The following CDH12 variants were observed in gnomAD, a reference collection of about 807,000 sequenced individuals.
CDH12 encodes cadherin-12.
Under a neutral mutation model 74.1 loss-of-function variants are expected in CDH12, and 41 were observed. The observed-to-expected ratio is 0.55, with a 90% CI of 0.43 to 0.72. CDH12 has a LOEUF of 0.72. CDH12 is among the 30% of genes least tolerant of loss of function. The pLI, the probability that CDH12 is intolerant of heterozygous loss-of-function variation, is 0.00. For synonymous variants in CDH12, 399 were observed against 355.0 expected (o/e 1.12, Z -1.39); for missense variants, 945 against 977.2 (o/e 0.97, Z 0.44).
At chr5:22,621,793 T>C (rs1455391282) in intron 1 of CDH12, among the ~76,000 whole-genome samples, 2 of 152,024 alleles carry the variant, frequency 1.3e-5, no homozygotes, top group African/African-American at 4.8e-5. Context: ...TGACTGAATA[T>C]TAATTATAAA....
rs1736336679 is a variant in CDH12 at position 22,505,289 on chromosome 5, C to G, written c.-447G>C. ...ACCTACCTTTAAAAAGGCTGGCATT[C>G]TTTAAAACTCCCAACTGCTCCTGGG... On this transcript the variant is annotated 5_prime_UTR_variant, in exon 2 of 15. Transcript: ENST00000382254. The G allele has an allele frequency of 1.0e-6, 1 of 983,270 alleles. No individual in the cohort carries two copies. The highest frequency in any genetic ancestry group is 6.2e-5 in the Admixed American group (1 of 16,200). The allele number at this position is 983,270 out of a possible 1,614,324, so 60.9% of individuals were successfully genotyped here.
chr5:22,164,649 T>A (rs1391596197), intron 4 of CDH12, among the ~76,000 whole-genome samples: 2 of 152,096 alleles, frequency 1.3e-5, no homozygotes, highest in Non-Finnish European at 2.9e-5. Context: ...CTGGCTCCAG[T>A]GCCTGGGTTT....
chr5:21,882,867 A>G, intron 6 of CDH12: 1 of 1,596,094 alleles, frequency 6.3e-7, no homozygotes, highest in Non-Finnish European at 8.6e-7. Flanking sequence ...ATATAAAAAC[A>G]TTGGAGCTAA....
At chr5:22,528,822 G>T (rs1351357062) in intron 1 of CDH12, among the ~76,000 whole-genome samples, 4 of 151,932 alleles carry the variant, frequency 2.6e-5, no homozygotes, top group Non-Finnish European at 5.9e-5. Context: ...GAACACCATG[G>T]ACCACCAGCC....
chr5:22,729,897 C>A lies in CDH12; in HGVS notation c.-523+123161G>T, dbSNP rs141817422. On this transcript the variant is annotated intron_variant, in intron 1 of 14. Coordinates refer to ENST00000382254, the MANE Select transcript of CDH12 (RefSeq NM_004061.5). ...ATCTATTAATTTGAAGTGACATTACCTACCATATTGAATTATTATGAGGAT... is the reference window on the plus strand; with the variant it reads ...ATCTATTAATTTGAAGTGACATTACATACCATATTGAATTATTATGAGGAT... 5.5e-4 allele frequency among the ~76,000 whole-genome samples: 83 copies of A among 151,818 alleles called. 1 individual carries two copies. The East Asian group carries it at 0.016, about 29-fold the overall frequency.
At chr5:22,009,744 G>A (rs1419820414) in intron 5 of CDH12, among the ~76,000 whole-genome samples, 10 of 151,926 alleles carry the variant, frequency 6.6e-5, no homozygotes, top group Non-Finnish European at 1.0e-4. Flanking sequence ...TTGGGAGGCC[G>A]AGGCAGGTGG....
At chr5:22,030,398 T>C (rs1738732895) in intron 5 of CDH12, among the ~76,000 whole-genome samples, 1 of 152,204 alleles carries the variant, frequency 6.6e-6, no homozygotes, top group Non-Finnish European at 1.5e-5. Context: ...TCTCCTTGAA[T>C]ACCTTTATCA....
intron 3 of CDH12, among the ~76,000 whole-genome samples, chr5:22,267,893 A>G (rs1736208537): frequency 6.6e-6 from 1 of 152,172 alleles, no homozygotes; most frequent in Non-Finnish European, 1.5e-5. Flanking sequence ...CTTCTTTTGC[A>G]TGTGACAAAA....
At chr5:22,341,837 T>G (rs1739865174) in intron 3 of CDH12, among the ~76,000 whole-genome samples, 1 of 152,030 alleles carries the variant, frequency 6.6e-6, no homozygotes, top group South Asian at 2.1e-4. Flanking sequence ...GTGCTTTCAT[T>G]CCTAGAAATT....
intron 3 of CDH12, among the ~76,000 whole-genome samples, chr5:22,365,564 G>A (rs1580569112): frequency 6.6e-6 from 1 of 152,296 alleles, no homozygotes; most frequent in East Asian, 1.9e-4. Context: ...CATAATGTGA[G>A]CAAAATGGAA....
At chr5:22,327,426 C>CTGTG (rs1491202419) in intron 3 of CDH12, among the ~76,000 whole-genome samples, 3 of 128,286 alleles carry the variant, frequency 2.3e-5, no homozygotes, top group East Asian at 2.5e-4. Context: ...AAATTTGTGC[C>CTGTG]TCTGTGTGTG....
chr5:22,746,563 T>C (rs1745306497), intron 1 of CDH12, among the ~76,000 whole-genome samples: 1 of 152,166 alleles, frequency 6.6e-6, no homozygotes, highest in African/African-American at 2.4e-5. Flanking sequence ...ATTACAGGCA[T>C]GCATGCAAAT....
rs767276924 is a variant in CDH12 at position 21,765,009 on chromosome 5, G to T, written c.1484C>A (p.Thr495Lys). 6.2e-7 allele frequency: 1 copy of T among 1,613,490 alleles called. No individual in the cohort carries two copies. ...TGGCTTGGCATTTTCACACACGGCT[G>T]TCTCATATGGCACAGATATTTCTGG... ...FPPEISVPYETAVCENAKPGQ... is the reference protein window; with the variant it reads ...FPPEISVPYEKAVCENAKPGQ... Residue 495 changes from threonine to lysine, a missense_variant, in exon 12 of 15, where the codon ACA (threonine) becomes AAA (lysine). By Grantham distance (78) the Thr-to-Lys change is moderately conservative. Transcript: ENST00000382254.
chr5:22,687,946 G>A (rs905602342), intron 1 of CDH12, among the ~76,000 whole-genome samples: 10 of 152,112 alleles, frequency 6.6e-5, no homozygotes, highest in Admixed American at 1.3e-4. Flanking sequence ...TAAGTTTCAT[G>A]TCTCTGGTAG....
Position 22,500,920 on chromosome 5 carries a change from A to ATT in CDH12, c.-428+4348_-428+4349dup, listed in dbSNP as rs137998465. ...TTCTCTTCATCACTCCTGCAGTATA[A>ATT]TTTTTTTTTTCTGATTAGGACAAAA... On this transcript the variant is annotated intron_variant, in intron 2 of 14. Transcript: ENST00000382254. 9.1e-3 allele frequency among the ~76,000 whole-genome samples: 1,366 copies of ATT among 150,128 alleles called. 20 individuals are homozygous for ATT. The highest frequency in any genetic ancestry group is 0.032 in the African/African-American group (1,320 of 40,966).
chr5:21,759,014 G>C (rs1464121746), intron 13 of CDH12, among the ~76,000 whole-genome samples: 1 of 152,036 alleles, frequency 6.6e-6, no homozygotes, highest in East Asian at 1.9e-4. Flanking sequence ...CTGCTTATCA[G>C]GTACTAGGTT....
At chr5:21,996,465 T>G (rs1414975331) in intron 5 of CDH12, among the ~76,000 whole-genome samples, 1 of 152,164 alleles carries the variant, frequency 6.6e-6, no homozygotes, top group Non-Finnish European at 1.5e-5. Flanking sequence ...TTCAATTACT[T>G]CATTTCACAA....
In CDH12 at chr5:22,545,933, T is replaced by C. The variant is rs112152210; in HGVS notation, c.-522-40569A>G. On this transcript the variant is annotated intron_variant, in intron 1 of 14. Coordinates refer to ENST00000382254, the MANE Select transcript of CDH12 (RefSeq NM_004061.5). ...ACTTAAACTGTCTAGATTTTTGTTG[T>C]TGTTGTTGTTGTTGTTGTTGTTGCT... Among the ~76,000 whole-genome samples the C allele has an allele frequency of 6.6e-3, 1,009 of 151,860 alleles. 9 individuals carry two copies. Among genetic ancestry groups the C allele is most frequent in the African/African-American group, 0.022 (927 of 41,424 alleles).
intron 12 of CDH12, among the ~76,000 whole-genome samples, chr5:21,761,742 T>TATAG (rs5866522): frequency 0.44 from 65,180 of 147,226 alleles, 14,570 homozygotes; most frequent in Admixed American, 0.48. Context: ...GATGGATAGA[T>TATAG]ATAGATAGAT....
Sources: gnomAD v4.1 joint callset for allele counts (sites outside exome capture counted in the v4.1 genomes callset) on GRCh38, gnomAD v4.1.1 for gene constraint, MANE v1.5 for transcripts, NCBI Gene and HGNC (gene_info 2026-07-23, HGNC 2026-07-21) for gene names.